Variants in ANK2 observed in about 807,000 individuals in gnomAD.
ANK2 encodes ankyrin 2.
ANK2 carries 83 observed loss-of-function variants against 360.5 expected under a neutral mutation model. The observed-to-expected ratio is 0.23, with a 90% CI of 0.19 to 0.28. The LOEUF is 0.28. Among genes scored for constraint, ANK2 ranks in the 10% least tolerant of loss-of-function variants. The pLI is 1.00. For synonymous variants in ANK2, 1,740 were observed against 1,759.5 expected (o/e 0.99, Z 0.28); for missense variants, 4,201 against 4,795.7 (o/e 0.88, Z 3.66).
Position 113,333,021 on chromosome 4 carries a change from G to A in ANK2, c.3225-33G>A, listed in dbSNP as rs761498512. 2.1e-5 allele frequency: 34 copies of A among 1,614,010 alleles called. 2 individuals are homozygous for A. In the South Asian group the frequency reaches 3.3e-4, roughly 16 times the overall value. The stretch of plus-strand genomic sequence containing the variant: ...CTTGTCTTGCTGTTAGTTAGCTCCT[G>A]TCCACACTGAATGTTCTGCATTGCT... On this transcript the variant is annotated intron_variant, in intron 28 of 45. Transcript: ENST00000357077.
chr4:112,846,030 A>G (rs1326471680), intron 1 of ANK2, among the ~76,000 whole-genome samples: 1 of 152,186 alleles, frequency 6.6e-6, no homozygotes, highest in Non-Finnish European at 1.5e-5. Flanking sequence ...GCAAACCTGT[A>G]TATGTTTTTC....
At chr4:112,945,206 T>A (rs1304054912) in intron 2 of ANK2, among the ~76,000 whole-genome samples, 1 of 152,184 alleles carries the variant, frequency 6.6e-6, no homozygotes, top group Non-Finnish European at 1.5e-5. Context: ...ACAAAATATG[T>A]TCTGAGTGTG....
intron 5 of ANK2, among the ~76,000 whole-genome samples, chr4:113,233,790 A>T (rs969838257): frequency 5.3e-5 from 8 of 152,136 alleles, no homozygotes; most frequent in Non-Finnish European, 8.8e-5. Context: ...TGGAAAACAC[A>T]ACTACCCAGT....
At chr4:112,706,105 C>A in the ANK2 span, among the ~76,000 whole-genome samples, 1 of 151,282 alleles carries the variant, frequency 6.6e-6, no homozygotes, top group African/African-American at 2.4e-5. Flanking sequence ...ACGCGGGAGA[C>A]CCGGGCGTGA....
At chr4:112,796,820 A>G in the ANK2 span, among the ~76,000 whole-genome samples, 1 of 152,242 alleles carries the variant, frequency 6.6e-6, no homozygotes, top group Admixed American at 6.5e-5. Flanking sequence ...GTCTGCTAAA[A>G]TGTATATTAA....
intron 2 of ANK2, among the ~76,000 whole-genome samples, chr4:112,921,591 A>C (rs1206426360): frequency 6.6e-6 from 1 of 152,060 alleles, no homozygotes; most frequent in Non-Finnish European, 1.5e-5. Flanking sequence ...CTCCTGCCTC[A>C]ACCTCCAGTG....
Position 113,252,232 on chromosome 4 carries a change from C to T in ANK2, c.990+2370C>T, listed in dbSNP as rs961550595. 3.9e-5 allele frequency among the ~76,000 whole-genome samples: 6 copies of T among 152,274 alleles called. No homozygotes were observed. In the South Asian group the frequency reaches 6.2e-4, roughly 16 times the overall value. On this transcript the variant is annotated intron_variant, in intron 10 of 45. Transcript: ENST00000357077. ...ATCTTGTGAGACTTATTCACTACCA[C>T]GAGAATAGTTTGGGGGAATCCGCCC...
intron 1 of ANK2, among the ~76,000 whole-genome samples, chr4:112,829,657 T>A (rs1228316792): frequency 6.6e-6 from 1 of 152,010 alleles, no homozygotes; most frequent in East Asian, 1.9e-4. Context: ...TTAGAAGGGC[T>A]ATTATTAAAA....
chr4:112,813,235 C>CT (rs2055429642), upstream of ANK2, among the ~76,000 whole-genome samples: 20 of 74,514 alleles, frequency 2.7e-4, no homozygotes, highest in South Asian at 2.2e-3. Context: ...GAGACTCTGT[C>CT]TAAAAAAAAA....
At chr4:113,332,872 G>T in intron 28 of ANK2, 182 bp from the exon 29 acceptor site, 1 of 727,690 alleles carries the variant, frequency 1.4e-6, no homozygotes, top group Non-Finnish European at 2.3e-6. Flanking sequence ...GAGGATTGGT[G>T]CCCCTGAGGT....
intron 1 of ANK2, among the ~76,000 whole-genome samples, chr4:113,076,634 A>T (rs1169685394): frequency 1.3e-5 from 2 of 152,042 alleles, no homozygotes; most frequent in Non-Finnish European, 2.9e-5. Context: ...TGTCTCTGTA[A>T]AAAATACAAA....
intron 4 of ANK2, among the ~76,000 whole-genome samples, chr4:113,222,366 A>G (rs1459546546): frequency 3.9e-5 from 6 of 152,020 alleles, no homozygotes; most frequent in Admixed American, 3.3e-4. Context: ...ATTGCTAGAT[A>G]AAAGTACAGG....
chr4:113,223,402 A>G (rs1317867691), intron 4 of ANK2, among the ~76,000 whole-genome samples: 5 of 152,186 alleles, frequency 3.3e-5, no homozygotes, highest in Non-Finnish European at 7.4e-5. Context: ...TCTTTCTGTA[A>G]CGATTCTTAT....
intron 26 of ANK2, among the ~76,000 whole-genome samples, chr4:113,324,024 C>T (rs543357355): frequency 6.6e-6 from 1 of 152,136 alleles, no homozygotes; most frequent in Non-Finnish European, 1.5e-5. Context: ...GGGGCTGTTC[C>T]AGACTTACTG....
chr4:112,930,755 G>A (rs983834865), intron 2 of ANK2, among the ~76,000 whole-genome samples: 6 of 151,950 alleles, frequency 3.9e-5, no homozygotes, highest in Non-Finnish European at 8.8e-5. Context: ...AGGTGTGGTG[G>A]TGCACGCCTG....
At chr4:113,254,284 C>T (rs1159668816) in intron 10 of ANK2, among the ~76,000 whole-genome samples, 2 of 152,152 alleles carry the variant, frequency 1.3e-5, no homozygotes, top group Non-Finnish European at 2.9e-5. Flanking sequence ...AATGTAACCT[C>T]GATAGAGACG....
At chr4:113,075,403 G>A (rs1404569633) in intron 1 of ANK2, among the ~76,000 whole-genome samples, 1 of 152,018 alleles carries the variant, frequency 6.6e-6, no homozygotes, top group Admixed American at 6.6e-5. Context: ...CAGTCTTTAT[G>A]TCTAAAAAGA....
At chr4:112,904,518 CT>C in intron 2 of ANK2, 1 of 1,490,954 alleles carries the variant, frequency 6.7e-7, no homozygotes, top group African/African-American at 1.4e-5. Context: ...GCAAAAGGTA[CT>C]TTTGGTATTT....
At chr4:113,249,628 A>C in intron 9 of ANK2, 136 bp from the exon 10 acceptor site, 2 of 785,288 alleles carry the variant, frequency 2.5e-6, no homozygotes, top group East Asian at 2.7e-5. Context: ...CTGGTTATTT[A>C]ACAAATTGCA....
Sources: allele counts gnomAD v4.1 joint callset (sites outside exome capture counted in the v4.1 genomes callset), GRCh38; gene constraint gnomAD v4.1.1; transcripts MANE v1.5; gene names NCBI Gene and HGNC (gene_info 2026-07-23, HGNC 2026-07-21).